The following NSD1 variants were observed in gnomAD, a reference collection of about 807,000 sequenced individuals.
NSD1 encodes histone-lysine N-methyltransferase, H3 lysine-36 specific.
A neutral mutation model predicts 242.7 loss-of-function variants in NSD1; 26 were observed. The observed-to-expected ratio is 0.11, with a 90% confidence interval of 0.08 to 0.15. NSD1 has a LOEUF of 0.15. Ranked by LOEUF, NSD1 falls within the 10% of genes least tolerant of loss-of-function variation. The probability of loss-of-function intolerance (pLI) is 1.00; values close to 1 mark genes in which losing one functional copy is unlikely to be tolerated. For synonymous variants in NSD1, 1,106 were observed against 1,178.1 expected (o/e 0.94, Z 1.25); for missense variants, 2,495 against 3,272.8 (o/e 0.76, Z 5.80).
chr5:177,159,009 T>A (rs1412155826), intron 2 of NSD1, among the ~76,000 whole-genome samples: 1 of 97,824 alleles, frequency 1.0e-5, no homozygotes, highest in African/African-American at 4.2e-5. Context: ...TATATATATA[T>A]ATATATATAT....
rs1756278641 is a variant in NSD1, at chr5:177,135,859, C to T, written c.756C>T (p.Ala252=). Residue 252 remains alanine (A), a synonymous_variant, in exon 2 of 23, where the codon GCC becomes GCT. Transcript: ENST00000439151. ...TGGACGGCAGCAATGAAAAAGCAGCCCTTCTCCCAGCCCCCTTTTCACTAG... is the reference window on the plus strand; with the variant it reads ...TGGACGGCAGCAATGAAAAAGCAGCTCTTCTCCCAGCCCCCTTTTCACTAG... ...NEVDGSNEKA[A]LLPAPFSLGD... 6.2e-7 allele frequency: 1 copy of T among 1,605,840 alleles called. No individual in the cohort carries two copies. The highest frequency in any genetic ancestry group is 8.5e-7 in the Non-Finnish European group (1 of 1,173,974).
intron 16 of NSD1, among the ~76,000 whole-genome samples, chr5:177,270,753 C>A (rs1045581755): frequency 6.6e-6 from 1 of 152,166 alleles, no homozygotes; most frequent in South Asian, 2.1e-4. Context: ...GGTAAAACTT[C>A]CTGGTTAGGG....
At chr5:177,274,646 T>C (rs1350940573) in intron 17 of NSD1, among the ~76,000 whole-genome samples, 2 of 152,138 alleles carry the variant, frequency 1.3e-5, no homozygotes, top group African/African-American at 2.4e-5. Flanking sequence ...TGGATGAGAA[T>C]ACCCTATTTC....
In NSD1 at chr5:177,299,743, G is replaced by A; in HGVS notation, c.*4284G>A. 4.3e-6 allele frequency: 1 copy of A among 233,340 alleles called. No homozygotes were observed. The highest frequency in any genetic ancestry group is 1.8e-4 in the South Asian group (1 of 5,530). 14.5% of individuals were successfully genotyped at this position (233,340 alleles called of 1,614,324 possible). On this transcript the variant is annotated 3_prime_UTR_variant, in exon 23 of 23. Coordinates refer to ENST00000439151, the MANE Select transcript of NSD1 (RefSeq NM_022455.5). ...ATCAGGTTATTGTGGGGCTTCAGGT[G>A]TAAGGTCCTGGAAGTTCAGCAAAGT...
In NSD1 at chr5:177,135,398, G is replaced by A; in HGVS notation, c.295G>A (p.Asp99Asn). The change falls in exon 2 of 23, where the codon GAC (aspartate) becomes AAC (asparagine). Residue 99 changes from aspartate to asparagine, a missense_variant. Asp to Asn is a conservative substitution (Grantham distance 23). This residue lies in a region of NSD1 where 376 missense variants were observed against 367.4 expected (regional missense o/e 1.02). Coordinates refer to ENST00000439151, the MANE Select transcript of NSD1 (RefSeq NM_022455.5). ...GSADGSESFQ[D>N]PEKSDSRAQT... is the part of the protein sequence containing the mutation. Reference sequence around the variant, plus strand: ...TGCTGATGGATCAGAATCCTTTCAAGACCCTGAAAAAAGTGATTCAAGAGC... The same window carrying A: ...TGCTGATGGATCAGAATCCTTTCAAAACCCTGAAAAAAGTGATTCAAGAGC... 6.2e-7 allele frequency: 1 copy of A among 1,613,532 alleles called. No homozygotes were observed. Among genetic ancestry groups the A allele is most frequent in the Non-Finnish European group, 8.5e-7 (1 of 1,179,724 alleles).
At chr5:177,261,933 A>G (rs998213792) in intron 14 of NSD1, among the ~76,000 whole-genome samples, 2 of 152,194 alleles carry the variant, frequency 1.3e-5, no homozygotes, top group Non-Finnish European at 2.9e-5. Context: ...GAGTCAATAT[A>G]TGTAATAGAA....
intron 13 of NSD1, among the ~76,000 whole-genome samples, chr5:177,259,371 T>G (rs773980632): frequency 2.1e-4 from 32 of 152,122 alleles, no homozygotes; most frequent in Non-Finnish European, 3.2e-4. Flanking sequence ...TCCAGCTTCT[T>G]GGGAAGGTAA....
chr5:177,134,323 T>C lies in NSD1; in HGVS notation c.-18+371T>C, dbSNP rs1425538780. 1 of 151,854 alleles carries C rather than the reference T, an allele frequency of 6.6e-6. No individual in the cohort carries two copies. The highest frequency in any genetic ancestry group is 2.4e-5 in the African/African-American group (1 of 41,186). The allele number at this position is 151,854 out of a possible 1,614,324, so 9.4% of individuals were successfully genotyped here. A position where few individuals can be genotyped will look rare whatever the true frequency, so the allele number is the denominator to read the frequency against. On this transcript the variant is annotated intron_variant, in intron 1 of 22. Transcript: ENST00000439151. This position sits in a 1 kb window ranked among gnomAD's most constrained non-coding sequence, Gnocchi z 4.2. ...TGCTGCTGAATATTGATGAGAGCGA[T>C]CGGCTCGGCTGGGAGGTGCTGCCGC...
chr5:177,226,892 G>T (rs548191451), intron 5 of NSD1, among the ~76,000 whole-genome samples: 73 of 152,314 alleles, frequency 4.8e-4, no homozygotes, highest in African/African-American at 1.7e-3. Context: ...CTATGTTTCA[G>T]ATGGTTAATT....
In NSD1 at chr5:177,212,060, C is replaced by G. The variant is rs980927367; in HGVS notation, c.3661C>G (p.Gln1221Glu). ...CATACTTGAGGAACCACTGACAGAG[C>G]AAAATCATGCTGACTGCTTAGATTC... ...ASILEEPLTE[Q>E]NHADCLDSAG... is the part of the protein sequence containing the mutation. The change falls in exon 5 of 23, where the codon CAA becomes GAA. Residue 1221 changes from glutamine to glutamate, a missense_variant. Transcript: ENST00000439151. 6.2e-7 allele frequency: 1 copy of G among 1,614,076 alleles called. No homozygotes were observed. Among genetic ancestry groups the G allele is most frequent in the Non-Finnish European group, 8.5e-7 (1 of 1,180,008 alleles).
chr5:177,212,842 A>C lies in NSD1; in HGVS notation c.3796+647A>C, dbSNP rs527456675. ...TTTTTAGTAGAGATGAGGGTTCACC[A>C]CGTTGGCCAGGCTGGTCTTGAACTG... is the stretch of plus-strand genomic sequence containing the variant. On this transcript the variant is annotated intron_variant, in intron 5 of 22. Transcript: ENST00000439151. Among the ~76,000 whole-genome samples the C allele has an allele frequency of 2.0e-5, 3 of 151,672 alleles. No individual in the cohort carries two copies. The South Asian group carries it at 6.3e-4, about 32-fold the overall frequency.
chr5:177,153,133 T>C (rs1303066496), intron 2 of NSD1, among the ~76,000 whole-genome samples: 2 of 152,034 alleles, frequency 1.3e-5, no homozygotes, highest in Non-Finnish European at 2.9e-5. Context: ...GAGAAGATAA[T>C]TGTTAGAGTT....
chr5:177,187,695 G>A (rs972863220), intron 2 of NSD1, among the ~76,000 whole-genome samples: 2 of 152,086 alleles, frequency 1.3e-5, no homozygotes, highest in Non-Finnish European at 2.9e-5. Flanking sequence ...TTAATAGATT[G>A]TGTTCTGTCT....
At position 177,210,027 on chromosome 5, in the gene NSD1, C is replaced by T. The variant is rs2149843335; in HGVS notation, c.1628C>T (p.Ser543Phe). The change falls in exon 5 of 23, where the codon TCT becomes TTT. Residue 543 changes from serine (S) to phenylalanine (F), a missense_variant. Ser to Phe is a radical substitution (Grantham distance 155). This residue lies in a region of NSD1 where 515 missense variants were observed against 467.0 expected (regional missense o/e 1.10). Transcript: ENST00000439151. ...LGLNFISGDI[S>F]DTQASNELSR... ...CTAAACTTTATCTCTGGGGATATAT[C>T]TGATACGCAGGCCTCTAATGAACTT... 1 of 1,614,148 alleles carries T rather than the reference C, an allele frequency of 6.2e-7. No individual in the cohort carries two copies. The highest frequency in any genetic ancestry group is 8.5e-7 in the Non-Finnish European group (1 of 1,180,018).
chr5:177,174,641 C>T (rs1401194354), intron 2 of NSD1, among the ~76,000 whole-genome samples: 1 of 151,670 alleles, frequency 6.6e-6, no homozygotes, highest in Non-Finnish European at 1.5e-5. Context: ...TCACTGCAAC[C>T]CCTGCCTCCT....
In NSD1 at chr5:177,204,105, C is replaced by T. The variant is rs777812703; in HGVS notation, c.1064-15C>T. 5.6e-6 allele frequency: 9 copies of T among 1,612,954 alleles called. 1 individual carries two copies. In the South Asian group the frequency reaches 6.6e-5, roughly 12 times the overall value. On this transcript the variant is annotated splice_polypyrimidine_tract_variant and intron_variant, in intron 3 of 22. Coordinates refer to ENST00000439151, the MANE Select transcript of NSD1 (RefSeq NM_022455.5). The stretch of plus-strand genomic sequence containing the variant: ...TCTTTGATCTAATGATTCTGGTTCT[C>T]TTACCCTTACCTAGTTTCCAACCGG...
intron 14 of NSD1, among the ~76,000 whole-genome samples, chr5:177,262,653 C>T (rs1209268656): frequency 6.6e-6 from 1 of 152,066 alleles, no homozygotes; most frequent in Admixed American, 6.6e-5. Context: ...CTGAGGCAGG[C>T]GGATCACCTG....
chr5:177,294,421 A>G lies in NSD1; in HGVS notation c.7053A>G (p.Glu2351=). 6.2e-7 allele frequency: 1 copy of G among 1,614,194 alleles called. No individual in the cohort carries two copies. Among genetic ancestry groups the G allele is most frequent in the Non-Finnish European group, 8.5e-7 (1 of 1,180,034 alleles). The stretch of plus-strand genomic sequence containing the variant: ...CCTCAGTCAGGTCCCAACCACTGGA[A>G]AGACCTCTGGGGACGGCTGACCCAA... ...SSPSVRSQPL[E]RPLGTADPRL... The change falls in exon 23 of 23, where the codon GAA becomes GAG. Residue 2351 remains glutamate (E), a synonymous_variant. Coordinates refer to ENST00000439151, the MANE Select transcript of NSD1 (RefSeq NM_022455.5).
chr5:177,132,821 G>A (rs1353017721), upstream of NSD1, among the ~76,000 whole-genome samples: 3 of 152,002 alleles, frequency 2.0e-5, no homozygotes, highest in African/African-American at 7.2e-5. The surrounding 1 kb of genome is among the most constrained non-coding windows in gnomAD (Gnocchi z 7.5). Context: ...GAGGGGGAAG[G>A]GAAGGGGTGG....
Sources: gnomAD v4.1 joint callset for allele counts (sites outside exome capture counted in the v4.1 genomes callset) on GRCh38, gnomAD v4.1.1 for gene constraint, gnomAD v4.1.1 regional missense constraint, Gnocchi (gnomAD v3.1) non-coding constraint, MANE v1.5 for transcripts, NCBI Gene and HGNC (gene_info 2026-07-23, HGNC 2026-07-21) for gene names.